Variants in WDR20 observed in about 807,000 individuals in gnomAD.
WDR20 encodes the protein WD repeat domain 20.
In WDR20, 3 loss-of-function variants were observed where a neutral mutation model predicts 38.7. The observed-to-expected ratio is 0.08, with a 90% CI of 0.04 to 0.20. WDR20 has a LOEUF of 0.20. Among genes scored for constraint, WDR20 ranks in the 10% least tolerant of loss-of-function variants. The pLI is 1.00. For missense variants in WDR20, 559 were observed against 727.7 expected (o/e 0.77, Z 2.67); for synonymous variants, 298 against 285.6 (o/e 1.04, Z -0.44).
intron 1 of WDR20, among the ~76,000 whole-genome samples, chr14:102,169,130 C>G (rs1005519625): frequency 6.6e-6 from 1 of 152,128 alleles, no homozygotes; most frequent in Non-Finnish European, 1.5e-5. Context: ...AGCAGCTGCA[C>G]CCCTCCCCGT....
intron 1 of WDR20, among the ~76,000 whole-genome samples, chr14:102,140,844 C>T (rs2050779109): frequency 6.6e-6 from 1 of 152,110 alleles, no homozygotes; most frequent in Admixed American, 6.6e-5. Context: ...TTGTAGTATG[C>T]GAAGGGCTGA....
At chr14:102,213,023 C>T (rs950039508), downstream of WDR20, 30 of 989,796 alleles carry the variant, frequency 3.0e-5, no homozygotes, top group East Asian at 5.5e-4. Context: ...CGCTCCCACC[C>T]GGCAAGGGGG....
downstream of WDR20, among the ~76,000 whole-genome samples, chr14:102,211,757 C>G (rs1183463796): frequency 4.6e-5 from 7 of 152,220 alleles, no homozygotes; most frequent in Non-Finnish European, 1.0e-4. The surrounding 1 kb of genome is among the most constrained non-coding windows in gnomAD (Gnocchi z 4.2). Flanking sequence ...GCAACTTTTG[C>G]ACCTACATAG....
chr14:102,201,622 G>A (rs1418126315), intron 2 of WDR20, among the ~76,000 whole-genome samples: 1 of 152,182 alleles, frequency 6.6e-6, no homozygotes, highest in African/African-American at 2.4e-5. Context: ...GGGGAGGGCC[G>A]CGCTGAGCGT....
chr14:102,215,071 A>T (rs923030438), downstream of WDR20: 3 of 854,820 alleles, frequency 3.5e-6, no homozygotes, highest in African/African-American at 5.5e-5. Flanking sequence ...CCAAAACCAG[A>T]AAAGTTTTTA....
Position 102,207,691 on chromosome 14 carries a change from G to A in WDR20, c.433-912G>A, listed in dbSNP as rs79615597. Among the ~76,000 whole-genome samples the A allele has an allele frequency of 0.012, 1,885 of 152,316 alleles. 54 individuals are homozygous for A. Among genetic ancestry groups the A allele is most frequent in the African/African-American group, 0.043 (1,781 of 41,556 alleles). On this transcript the variant is annotated intron_variant, in intron 2 of 2. Transcript: ENST00000342702. This position sits in a 1 kb window ranked among gnomAD's most constrained non-coding sequence, Gnocchi z 5.0. Reference sequence around the variant, plus strand: ...CGCTCAGACGGTCCAGAAAGGGACCGCCCCTGTGGAAGGTGTTGCGCTGGC... The same window carrying A: ...CGCTCAGACGGTCCAGAAAGGGACCACCCCTGTGGAAGGTGTTGCGCTGGC...
chr14:102,176,252 G>C (rs573286596), intron 1 of WDR20, among the ~76,000 whole-genome samples: 2 of 151,104 alleles, frequency 1.3e-5, no homozygotes, highest in Admixed American at 1.3e-4. Flanking sequence ...AAAATTAGCC[G>C]GGCGTGGTGG....
At chr14:102,161,699 G>T (rs758964982) in intron 1 of WDR20, among the ~76,000 whole-genome samples, 2 of 152,074 alleles carry the variant, frequency 1.3e-5, no homozygotes, top group Non-Finnish European at 2.9e-5. Flanking sequence ...TGCCAGCTCC[G>T]TTTTGCTGAG....
chr14:102,217,334 C>T (rs970159969), downstream of WDR20, among the ~76,000 whole-genome samples: 3 of 152,232 alleles, frequency 2.0e-5, no homozygotes, highest in Non-Finnish European at 2.9e-5. Context: ...TTTCTTCCAC[C>T]TTCAGATCGC....
intron 1 of WDR20, among the ~76,000 whole-genome samples, chr14:102,151,626 C>T (rs560398577): frequency 6.6e-5 from 10 of 151,958 alleles, no homozygotes; most frequent in Middle Eastern, 3.4e-3. Flanking sequence ...TGGGTTCAAA[C>T]GATCTTCCTT....
chr14:102,171,216 C>T (rs1459556806), intron 1 of WDR20, among the ~76,000 whole-genome samples: 2 of 147,392 alleles, frequency 1.4e-5, no homozygotes, highest in African/African-American at 2.5e-5. Flanking sequence ...TCCCAAAGTG[C>T]TGGAATTACA....
chr14:102,159,907 C>A (rs1254515269), intron 1 of WDR20, among the ~76,000 whole-genome samples: 1 of 152,050 alleles, frequency 6.6e-6, no homozygotes, highest in African/African-American at 2.4e-5. Flanking sequence ...GAATTTGAGA[C>A]CAGCCTGGGC....
downstream of WDR20, chr14:102,213,063 C>T: frequency 3.0e-6 from 3 of 987,354 alleles, no homozygotes; most frequent in Non-Finnish European, 3.6e-6. Context: ...TGTCAGACAC[C>T]TTCTGAAGGT....
Position 102,223,282 on chromosome 14 carries a change from C to T in WDR20, c.*399C>T, listed in dbSNP as rs11544887. On this transcript the variant is annotated 3_prime_UTR_variant, in exon 4 of 4. Transcript: ENST00000335263. ...CTGTTTTTGCACTGATTTTTCTATA[C>T]CTTAGGTGGTCAGAAGACAACCTTG... 846 of 153,212 alleles carry T rather than the reference C, an allele frequency of 5.5e-3. 18 individuals are homozygous for T. Among genetic ancestry groups the T allele is most frequent in the East Asian group, 0.034 (180 of 5,222 alleles). 9.5% of individuals were successfully genotyped at this position (153,212 alleles called of 1,614,324 possible).
intron 1 of WDR20, among the ~76,000 whole-genome samples, chr14:102,145,740 C>T (rs1019963837): frequency 7.9e-5 from 12 of 151,726 alleles, no homozygotes; most frequent in Admixed American, 2.0e-4. Context: ...CACTGCACTC[C>T]AGCCCGGGCA....
chr14:102,166,710 G>T (rs2059855910), intron 1 of WDR20, among the ~76,000 whole-genome samples: 1 of 152,142 alleles, frequency 6.6e-6, no homozygotes, highest in Non-Finnish European at 1.5e-5. Flanking sequence ...GGATTGGACA[G>T]TTTATTTTGG....
chr14:102,212,804 C>T (rs940539109), downstream of WDR20: 2 of 1,349,168 alleles, frequency 1.5e-6, no homozygotes, highest in Non-Finnish European at 1.9e-6. Flanking sequence ...AAACTTTGAG[C>T]TTCCTCATTG....
intron 2 of WDR20, chr14:102,197,781 G>A: frequency 2.8e-6 from 2 of 702,446 alleles, no homozygotes. Flanking sequence ...TGTGGAAGGT[G>A]GATTGGAATG....
chr14:102,144,573 T>C (rs1353792575), intron 1 of WDR20, among the ~76,000 whole-genome samples: 1 of 152,172 alleles, frequency 6.6e-6, no homozygotes, highest in Non-Finnish European at 1.5e-5. Context: ...TCTCATTTTA[T>C]GGACATCTGT....
Sources: allele counts gnomAD v4.1 joint callset (sites outside exome capture counted in the v4.1 genomes callset), GRCh38; gene constraint gnomAD v4.1.1; non-coding constraint Gnocchi (gnomAD v3.1); transcripts MANE v1.5; gene names NCBI Gene and HGNC (gene_info 2026-07-23, HGNC 2026-07-21).